ENTREP2: variants seen among roughly 807,000 people sequenced by gnomAD.
ENTREP2 encodes endosomal transmembrane epsin interactor 2, also known as protein ENTREP2.
chr15:29,297,227 T>TC, the ENTREP2 span, among the ~76,000 whole-genome samples: 7 of 152,174 alleles, frequency 4.6e-5, no homozygotes, highest in African/African-American at 1.7e-4. Flanking sequence ...CACTAGAGAA[T>TC]AAGTTTCAGA....
the ENTREP2 span, among the ~76,000 whole-genome samples, chr15:29,139,110 G>A: frequency 2.0e-5 from 3 of 152,100 alleles, no homozygotes; most frequent in East Asian, 1.9e-4. Flanking sequence ...AGGCCAGGAC[G>A]TGAAGCACTT....
chr15:29,453,928 A>T, the ENTREP2 span, among the ~76,000 whole-genome samples: 1 of 152,224 alleles, frequency 6.6e-6, no homozygotes, highest in South Asian at 2.1e-4. Flanking sequence ...TTCAACTATG[A>T]TAAGTAAAGC....
At chr15:29,165,801 ACTCT>A in the ENTREP2 span, among the ~76,000 whole-genome samples, 2 of 152,248 alleles carry the variant, frequency 1.3e-5, no homozygotes, top group East Asian at 1.9e-4. Flanking sequence ...GAAAGAAGGA[ACTCT>A]CTCTAATTCA....
chr15:29,339,105 C>T, the ENTREP2 span, among the ~76,000 whole-genome samples: 1 of 152,350 alleles, frequency 6.6e-6, no homozygotes, highest in South Asian at 2.1e-4. Flanking sequence ...CCATCACCTG[C>T]AAAACCTCAG....
At chr15:29,584,443 A>ATG in the ENTREP2 span, among the ~76,000 whole-genome samples, 100,262 of 138,680 alleles carry the variant, frequency 0.72, 34,890 homozygotes, top group Middle Eastern at 0.81. Flanking sequence ...GTGTGTGTGC[A>ATG]TGTGTGTGTG....
At chr15:29,407,486 G>C in the ENTREP2 span, among the ~76,000 whole-genome samples, 1 of 152,140 alleles carries the variant, frequency 6.6e-6, no homozygotes, top group African/African-American at 2.4e-5. Flanking sequence ...ACCAAGAAAA[G>C]AGAAGACATG....
At chr15:29,415,016 T>C in the ENTREP2 span, among the ~76,000 whole-genome samples, 1 of 152,070 alleles carries the variant, frequency 6.6e-6, no homozygotes, top group Non-Finnish European at 1.5e-5. Flanking sequence ...ATTAATAGCT[T>C]ACCAACCAAA....
At chr15:29,421,138 T>C in the ENTREP2 span, among the ~76,000 whole-genome samples, 7 of 152,196 alleles carry the variant, frequency 4.6e-5, no homozygotes, top group East Asian at 1.4e-3. Flanking sequence ...AAAGATAACC[T>C]ACTAGAGCTG....
At chr15:29,657,493 G>GGGGGGGGT in the ENTREP2 span, among the ~76,000 whole-genome samples, 1 of 135,874 alleles carries the variant, frequency 7.4e-6, no homozygotes, top group African/African-American at 2.7e-5. Flanking sequence ...CGGGGGGGGG[G>GGGGGGGGT]GGTGGCCAGC....
At chr15:29,297,966 A>G in the ENTREP2 span, among the ~76,000 whole-genome samples, 5 of 152,232 alleles carry the variant, frequency 3.3e-5, no homozygotes, top group African/African-American at 4.8e-5. Flanking sequence ...CTGAATGCAC[A>G]TGGTTTTTAA....
At chr15:29,571,050 C>A in the ENTREP2 span, among the ~76,000 whole-genome samples, 4,896 of 146,406 alleles carry the variant, frequency 0.033, 275 homozygotes, top group African/African-American at 0.11. Flanking sequence ...CCGTACCGGG[C>A]GCGAGCCGCT....
At chr15:29,385,467 A>G in the ENTREP2 span, among the ~76,000 whole-genome samples, 1 of 152,210 alleles carries the variant, frequency 6.6e-6, no homozygotes, top group Non-Finnish European at 1.5e-5. Flanking sequence ...ATTCTCCTAC[A>G]CAAAGCAAAA....
chr15:29,357,756 A>G, the ENTREP2 span, among the ~76,000 whole-genome samples: 131 of 151,876 alleles, frequency 8.6e-4, no homozygotes, highest in South Asian at 1.9e-3. Context: ...GGAGAATGGC[A>G]TGAACCCGGG....
At chr15:29,295,830 C>G in the ENTREP2 span, among the ~76,000 whole-genome samples, 2 of 152,170 alleles carry the variant, frequency 1.3e-5, no homozygotes, top group East Asian at 3.8e-4. Flanking sequence ...CGACTCAGAA[C>G]AGTGGATTTA....
the ENTREP2 span, among the ~76,000 whole-genome samples, chr15:29,441,577 C>T: frequency 3.2e-4 from 48 of 152,222 alleles, no homozygotes; most frequent in African/African-American, 1.1e-3. Flanking sequence ...TGAGAATATA[C>T]GTTATGAATT....
the ENTREP2 span, among the ~76,000 whole-genome samples, chr15:29,411,415 A>G: frequency 3.1e-4 from 47 of 152,228 alleles, no homozygotes; most frequent in African/African-American, 7.5e-4. Context: ...TTCTCTCCAC[A>G]GTTGAATTTT....
At chr15:29,469,776 T>G in the ENTREP2 span, among the ~76,000 whole-genome samples, 14 of 109,856 alleles carry the variant, frequency 1.3e-4, no homozygotes, top group Admixed American at 9.1e-4. Flanking sequence ...TTTAATAAAT[T>G]AATTTTTTTT....
At chr15:29,227,804 C>G in the ENTREP2 span, among the ~76,000 whole-genome samples, 1 of 152,086 alleles carries the variant, frequency 6.6e-6, no homozygotes, top group Non-Finnish European at 1.5e-5. Flanking sequence ...AAATCAGTGG[C>G]CACAGAAGTA....
the ENTREP2 span, chr15:29,609,720 T>G: frequency 1.3e-5 from 2 of 150,350 alleles, no homozygotes; most frequent in Admixed American, 6.7e-5. Flanking sequence ...ATCTGTGATA[T>G]TCAGTCATTG....
Sources: gnomAD v4.1 joint callset for allele counts (sites outside exome capture counted in the v4.1 genomes callset) on GRCh38, gnomAD v4.1.1 for gene constraint, MANE v1.5 for transcripts, NCBI Gene and HGNC (gene_info 2026-07-23, HGNC 2026-07-21) for gene names.